FANCA: variants seen among roughly 807,000 people sequenced by gnomAD.
FANCA encodes the protein FA complementation group A.
FANCA carries 236 observed loss-of-function variants against 194.3 expected under a neutral mutation model. The observed-to-expected ratio is 1.21, with a 90% CI of 1.09 to 1.35. The LOEUF is 1.35. Ranked by LOEUF, FANCA falls within the 40% of genes most tolerant of loss-of-function variation. The probability of loss-of-function intolerance (pLI) is 0.00; values close to 1 mark genes in which losing one functional copy is unlikely to be tolerated. For synonymous variants in FANCA, 1,014 were observed against 715.8 expected, an observed-to-expected ratio of 1.42 and a Z score of -6.65; for missense variants, 2,628 against 1,813.9, an observed-to-expected ratio of 1.45 and a Z score of -8.15.
Position 89,761,816 on chromosome 16 carries a change from G to C in FANCA, c.2852+133C>G, listed in dbSNP as rs17233260. On this transcript the variant is annotated intron_variant, in intron 29 of 42. Transcript: ENST00000389301. ...TTCTTTTCTATTTTTTGTAGAAATG[G>C]AGTTTCCCCATGTTGCCCAGGCTGA... The C allele has an allele frequency of 1.2e-3, 931 of 748,972 alleles. 3 individuals are homozygous for C. In the African/African-American group the frequency reaches 0.015, roughly 12 times the overall value. 46.4% of individuals were successfully genotyped at this position (748,972 alleles called of 1,614,324 possible).
At chr16:89,799,556 T>C (rs1421409163) in intron 9 of FANCA, 49 bp downstream of exon 9, 1 of 1,553,394 alleles carries the variant, frequency 6.4e-7, no homozygotes, top group Admixed American at 1.7e-5. Context: ...CAATTGCTAA[T>C]AAGCAAACTA....
chr16:89,812,701 A>T (rs1344069381), intron 3 of FANCA, among the ~76,000 whole-genome samples: 1 of 150,204 alleles, frequency 6.7e-6, no homozygotes, highest in Non-Finnish European at 1.5e-5. Context: ...CTGTTATTGT[A>T]ATGTACTGGC....
At chr16:89,744,026 T>A (rs1349537284) in intron 36 of FANCA, among the ~76,000 whole-genome samples, 1 of 151,842 alleles carries the variant, frequency 6.6e-6, no homozygotes, top group Non-Finnish European at 1.5e-5. Flanking sequence ...GCCTCCTGAG[T>A]AGCTGGGACT....
intron 11 of FANCA, among the ~76,000 whole-genome samples, chr16:89,795,315 T>A (rs938539333): frequency 2.0e-5 from 3 of 149,858 alleles, no homozygotes; most frequent in East Asian, 1.9e-4. Flanking sequence ...AATAAATAAA[T>A]AAATAAATAA....
rs1382618070 is a variant in FANCA, at chr16:89,798,275, G to A, written c.893+891C>T. ...TCCAACTTCCAGCCTCCACTGCTGT[G>A]AGAACACATCTGCCGTCCACACCGC... On this transcript the variant is annotated intron_variant, in intron 10 of 42. Transcript: ENST00000389301. 44 of 940,560 alleles carry A rather than the reference G, an allele frequency of 4.7e-5. No homozygotes were observed. In the Admixed American group the frequency reaches 1.5e-3, roughly 33 times the overall value. The allele number at this position is 940,560 out of a possible 1,614,324, so 58.3% of individuals were successfully genotyped here.
intron 28 of FANCA, among the ~76,000 whole-genome samples, chr16:89,764,348 T>C (rs1415257539): frequency 6.6e-6 from 1 of 152,192 alleles, no homozygotes; most frequent in Non-Finnish European, 1.5e-5. Context: ...TGTGTCATCC[T>C]GGCTGGAATA....
At chr16:89,808,693 C>T (rs2040758616) in intron 5 of FANCA, among the ~76,000 whole-genome samples, 1 of 152,204 alleles carries the variant, frequency 6.6e-6, no homozygotes, top group Non-Finnish European at 1.5e-5. Flanking sequence ...ACTGACATGA[C>T]AGTCTCTCCT....
At chr16:89,749,241 C>G (rs1305886085) in intron 32 of FANCA, among the ~76,000 whole-genome samples, 1 of 152,190 alleles carries the variant, frequency 6.6e-6, no homozygotes, top group Non-Finnish European at 1.5e-5. Context: ...GAGACAGAGT[C>G]TCGCTCTGTT....
intron 21 of FANCA, among the ~76,000 whole-genome samples, chr16:89,774,745 A>AAAAAAAAAAAC: frequency 6.8e-6 from 1 of 146,974 alleles, no homozygotes; most frequent in Non-Finnish European, 1.5e-5. Flanking sequence ...AAAAAAAAAA[A>AAAAAAAAAAAC]AAAAAAAAAT....
chr16:89,810,706 C>G lies in FANCA; in HGVS notation c.522+1G>C. 1 of 1,588,950 alleles carries G rather than the reference C, an allele frequency of 6.3e-7. No individual in the cohort carries two copies. The highest frequency in any genetic ancestry group is 8.6e-7 in the Non-Finnish European group (1 of 1,157,280). ...AGTCAGATTTGCAATCTCAAATTTA[C>G]CTGTATTTTCCATAATTCTTGACAG... On this transcript the variant is annotated splice_donor_variant, in intron 5 of 42. Coordinates refer to ENST00000389301, the MANE Select transcript of FANCA (RefSeq NM_000135.4). LOFTEE classifies it high-confidence loss of function.
intron 7 of FANCA, among the ~76,000 whole-genome samples, chr16:89,805,044 T>C (rs931942756): frequency 6.6e-6 from 1 of 151,888 alleles, no homozygotes; most frequent in African/African-American, 2.4e-5. Context: ...GGTCACTCTA[T>C]GGGAAAGGTG....
intron 30 of FANCA, among the ~76,000 whole-genome samples, chr16:89,753,208 T>TGTGACCCAC (rs2038657368): frequency 6.6e-6 from 1 of 152,074 alleles, no homozygotes; most frequent in Non-Finnish European, 1.5e-5. Flanking sequence ...CCAGTGGACA[T>TGTGACCCAC]GTGACCCACG....
At chr16:89,799,808 A>T (rs957224862) in intron 8 of FANCA, among the ~76,000 whole-genome samples, 170 bp from the exon 9 acceptor site, 1 of 152,190 alleles carries the variant, frequency 6.6e-6, no homozygotes, top group African/African-American at 2.4e-5. Flanking sequence ...CCTGGCTAAC[A>T]TGGTGAAACC....
intron 37 of FANCA, among the ~76,000 whole-genome samples, chr16:89,742,427 G>C (rs2062156169): frequency 1.3e-5 from 2 of 152,048 alleles, no homozygotes; most frequent in South Asian, 4.1e-4. Context: ...ACTCCAGCCT[G>C]GGCGACAGTG....
chr16:89,759,318 T>A (rs1285811603), intron 29 of FANCA, among the ~76,000 whole-genome samples: 6 of 75,178 alleles, frequency 8.0e-5, no homozygotes, highest in Non-Finnish European at 1.3e-4. Context: ...AGACTCCGTC[T>A]AAAAAAAAAA....
At chr16:89,782,421 G>C (rs909567360) in intron 17 of FANCA, among the ~76,000 whole-genome samples, 6 of 151,586 alleles carry the variant, frequency 4.0e-5, no homozygotes, top group African/African-American at 1.5e-4. Context: ...TGAGGCAGGA[G>C]AATGGCGTGA....
intron 5 of FANCA, among the ~76,000 whole-genome samples, chr16:89,809,313 C>T (rs1034803382): frequency 6.6e-6 from 1 of 152,180 alleles, no homozygotes; most frequent in Non-Finnish European, 1.5e-5. Flanking sequence ...TGAATCATCG[C>T]ACTTCTTGTG....
rs376888740 is a variant in FANCA at position 89,771,740 on chromosome 16, C to G, written c.2089G>C (p.Val697Leu). 9 of 1,614,028 alleles carry G rather than the reference C, an allele frequency of 5.6e-6. No individual in the cohort carries two copies. The highest frequency in any genetic ancestry group is 4.0e-5 in the African/African-American group (3 of 74,918). ...CTGAGCTGAATCTTTGATATCTCAA[C>G]GCTGCTGTCATCCTCATTGTGGCCC... The part of the protein sequence containing the change: ...VLGHNEDDSS[V>L]EISKIQLSIN... Residue 697 changes from valine (V) to leucine (L), a missense_variant, in exon 23 of 43, where the codon GTT becomes CTT. Physicochemically the swap from Val to Leu is conservative, Grantham distance 32. Transcript: ENST00000389301.
rs764030196 is a variant in FANCA, at chr16:89,749,735, G to A, written c.3234C>T (p.Tyr1078=). The part of the protein sequence containing the change: ...SLQRQRELLM[Y]KRILLRLPSS... ...CAGGTGGTAGTAGGTGTTACCGTTT[G>A]TACATTAGCAGCTCCCTCTGTCTCT... Residue 1078 remains tyrosine (Y), a synonymous_variant, in exon 32 of 43, where the codon TAC becomes TAT. Transcript: ENST00000389301. 1 of 1,613,778 alleles carries A rather than the reference G, an allele frequency of 6.2e-7. No homozygotes were observed. The highest frequency in any genetic ancestry group is 1.1e-5 in the South Asian group (1 of 90,996).
Sources: gnomAD v4.1 joint callset for allele counts (sites outside exome capture counted in the v4.1 genomes callset) on GRCh38, gnomAD v4.1.1 for gene constraint, MANE v1.5 for transcripts, NCBI Gene and HGNC (gene_info 2026-07-23, HGNC 2026-07-21) for gene names.